GALNT17: variants seen among roughly 807,000 people sequenced by gnomAD.
The protein encoded by GALNT17 is polypeptide N-acetylgalactosaminyltransferase 17.
In GALNT17, 29 loss-of-function variants were observed where a neutral mutation model predicts 63.7. The observed-to-expected ratio is 0.46, with a 90% confidence interval of 0.34 to 0.62. The LOEUF is 0.62. Among genes scored for constraint, GALNT17 ranks in the 20% least tolerant of loss-of-function variants. The pLI is 0.01. For synonymous variants in GALNT17, 305 were observed against 318.3 expected (o/e 0.96, Z 0.45); for missense variants, 603 against 799.6 (o/e 0.75, Z 2.97).
intron 5 of GALNT17, among the ~76,000 whole-genome samples, chr7:71,492,696 C>T (rs919320255): frequency 6.6e-6 from 1 of 152,228 alleles, no homozygotes; most frequent in East Asian, 1.9e-4. Context: ...GTTTATTAAT[C>T]TGTCAAATGG....
intron 1 of GALNT17, among the ~76,000 whole-genome samples, chr7:71,263,883 C>G (rs1790438797): frequency 6.6e-6 from 1 of 152,062 alleles, no homozygotes; most frequent in Non-Finnish European, 1.5e-5. Flanking sequence ...GAGATCACAC[C>G]ACTGCACTCC....
intron 5 of GALNT17, among the ~76,000 whole-genome samples, chr7:71,473,897 A>C (rs972065973): frequency 9.2e-5 from 14 of 152,216 alleles, no homozygotes; most frequent in Non-Finnish European, 1.3e-4. Flanking sequence ...AATTCGGTGC[A>C]AGTCCAAGGA....
chr7:71,649,875 T>C (rs1208569920), intron 6 of GALNT17, among the ~76,000 whole-genome samples: 1 of 152,222 alleles, frequency 6.6e-6, no homozygotes, highest in Non-Finnish European at 1.5e-5. Context: ...TCAGCCTCCT[T>C]CTGGCATCTC....
At chr7:71,599,630 C>A (rs562948927) in intron 6 of GALNT17, among the ~76,000 whole-genome samples, 31 of 152,002 alleles carry the variant, frequency 2.0e-4, no homozygotes, top group African/African-American at 7.0e-4. Flanking sequence ...TGGGGGTCAC[C>A]CATCAGAGCA....
intron 5 of GALNT17, among the ~76,000 whole-genome samples, chr7:71,493,659 G>T (rs563545607): frequency 8.5e-5 from 13 of 152,234 alleles, no homozygotes; most frequent in African/African-American, 2.9e-4. Flanking sequence ...CTCCCCCAGG[G>T]ATGGTCCCTC....
chr7:71,417,922 A>G (rs980594727), intron 4 of GALNT17, among the ~76,000 whole-genome samples: 2 of 151,646 alleles, frequency 1.3e-5, no homozygotes, highest in Non-Finnish European at 2.9e-5. Flanking sequence ...CTTTCTCTCT[A>G]TCTTGACCAC....
At position 71,391,627 on chromosome 7, in the gene GALNT17, C is replaced by T. The variant is rs977961523; in HGVS notation, c.589+3226C>T. 2.6e-5 allele frequency among the ~76,000 whole-genome samples: 4 copies of T among 152,090 alleles called. No individual in the cohort carries two copies. In the East Asian group the frequency reaches 7.8e-4, roughly 30 times the overall value. ...CCCCCTGAGAGGCTGGGACCACAGG[C>T]ATGTGCCATCATGCCTAGCTAATTT... is the stretch of plus-strand genomic sequence containing the variant. On this transcript the variant is annotated intron_variant, in intron 3 of 10. Transcript: ENST00000333538.
chr7:71,676,197 G>C (rs1247412366), intron 8 of GALNT17, among the ~76,000 whole-genome samples: 2 of 152,098 alleles, frequency 1.3e-5, no homozygotes, highest in Non-Finnish European at 2.9e-5. Flanking sequence ...GTTCTCACAT[G>C]CTCCCAAAGA....
chr7:71,134,774 TC>T (rs970633555), intron 1 of GALNT17, among the ~76,000 whole-genome samples: 138 of 151,508 alleles, frequency 9.1e-4, no homozygotes, highest in African/African-American at 3.2e-3. Flanking sequence ...TAACCTGGTT[TC>T]CCTCATCAGG....
intron 5 of GALNT17, among the ~76,000 whole-genome samples, chr7:71,423,853 T>C (rs985668053): frequency 1.3e-5 from 2 of 151,942 alleles, no homozygotes; most frequent in African/African-American, 4.8e-5. Flanking sequence ...GCCCAGGAGG[T>C]CGAGGCTGTA....
chr7:71,441,019 C>T (rs1583955828), intron 5 of GALNT17, among the ~76,000 whole-genome samples: 1 of 147,448 alleles, frequency 6.8e-6, no homozygotes, highest in African/African-American at 2.5e-5. Context: ...TGTTGTTGTT[C>T]TTTTTTTTTT....
In GALNT17 at chr7:71,467,836, A is replaced by G. The variant is rs137891357; in HGVS notation, c.962+46731A>G. Reference sequence around the variant, plus strand: ...AATTTCAAATCCAGGAAAACTGTCCATGGATGACAGCTGTGGTGGGGATCA... The same window carrying G: ...AATTTCAAATCCAGGAAAACTGTCCGTGGATGACAGCTGTGGTGGGGATCA... On this transcript the variant is annotated intron_variant, in intron 5 of 10. Transcript: ENST00000333538. 2.6e-3 allele frequency among the ~76,000 whole-genome samples: 403 copies of G among 152,268 alleles called. 1 individual carries two copies. The highest frequency in any genetic ancestry group is 4.4e-3 in the Non-Finnish European group (300 of 68,010).
intron 5 of GALNT17, among the ~76,000 whole-genome samples, chr7:71,492,667 C>T (rs373516269): frequency 9.8e-5 from 15 of 152,318 alleles, no homozygotes; most frequent in African/African-American, 2.6e-4. Context: ...AAAGTGAGCA[C>T]GTCACTCCAG....
At chr7:71,242,215 G>A (rs1790008247) in intron 1 of GALNT17, among the ~76,000 whole-genome samples, 1 of 148,800 alleles carries the variant, frequency 6.7e-6, no homozygotes, top group South Asian at 2.2e-4. Flanking sequence ...CTTCCACTTG[G>A]CCCACCTCTG....
intron 1 of GALNT17, among the ~76,000 whole-genome samples, chr7:71,292,634 G>GGAGA (rs148278821): frequency 0.013 from 1,783 of 135,426 alleles, 17 homozygotes; most frequent in Middle Eastern, 0.032. Flanking sequence ...TTTGGGAGAG[G>GGAGA]GAGAGAGAGA....
At chr7:71,553,964 C>T (rs752092633) in intron 5 of GALNT17, among the ~76,000 whole-genome samples, 2 of 152,164 alleles carry the variant, frequency 1.3e-5, no homozygotes, top group African/African-American at 2.4e-5. Context: ...GTCTGGGCTG[C>T]GCCTGTCTTC....
chr7:71,204,740 T>TTTTTGC (rs1359592971), intron 1 of GALNT17, among the ~76,000 whole-genome samples: 1 of 151,682 alleles, frequency 6.6e-6, no homozygotes, highest in African/African-American at 2.4e-5. Flanking sequence ...TACTTTGTTT[T>TTTTTGC]TTTTGTTTTT....
intron 3 of GALNT17, among the ~76,000 whole-genome samples, chr7:71,409,180 C>T (rs1793387176): frequency 6.6e-6 from 1 of 151,970 alleles, no homozygotes; most frequent in Non-Finnish European, 1.5e-5. Context: ...AGGTCGTAGG[C>T]AGTGGGGAAA....
At chr7:71,586,108 C>T (rs544430923) in intron 6 of GALNT17, among the ~76,000 whole-genome samples, 3 of 150,688 alleles carry the variant, frequency 2.0e-5, no homozygotes, top group Non-Finnish European at 4.4e-5. Context: ...GGTGTCACCA[C>T]GTTGGCCAGG....
Sources: gnomAD v4.1 joint callset for allele counts (sites outside exome capture counted in the v4.1 genomes callset) on GRCh38, gnomAD v4.1.1 for gene constraint, MANE v1.5 for transcripts, NCBI Gene and HGNC (gene_info 2026-07-23, HGNC 2026-07-21) for gene names.